Variants in SUZ12 observed in about 807,000 individuals in gnomAD.
SUZ12 encodes SUZ12 polycomb repressive complex 2 subunit, also known as polycomb protein SUZ12.
SUZ12 carries 17 observed loss-of-function variants against 87.3 expected under a neutral mutation model. The ratio of observed to expected loss-of-function variants is 0.19; its 90% CI spans 0.13 to 0.29. The LOEUF is 0.29. SUZ12 is among the 10% of genes least tolerant of loss of function. The pLI is 1.00. For synonymous variants in SUZ12, 253 were observed against 312.4 expected (o/e 0.81, Z 2.01); for missense variants, 526 against 912.2 (o/e 0.58, Z 5.45).
chr17:31,956,282 C>T (rs1305303583), intron 4 of SUZ12, among the ~76,000 whole-genome samples: 8 of 151,978 alleles, frequency 5.3e-5, no homozygotes, highest in Non-Finnish European at 1.0e-4. Context: ...CAACCTCCGC[C>T]TCCTGGGTTC....
chr17:31,979,455 A>G (rs1908968586), intron 8 of SUZ12, among the ~76,000 whole-genome samples: 1 of 152,148 alleles, frequency 6.6e-6, no homozygotes, highest in Admixed American at 6.5e-5. Flanking sequence ...TTCCATAGCT[A>G]GATGTCATAG....
intron 4 of SUZ12, among the ~76,000 whole-genome samples, chr17:31,963,301 C>T (rs1170196074): frequency 5.9e-5 from 9 of 152,026 alleles, no homozygotes; most frequent in Non-Finnish European, 8.8e-5. Context: ...CATGCCACAA[C>T]GCCTGGCTAA....
chr17:31,990,337 C>G (rs1050790828), intron 10 of SUZ12, among the ~76,000 whole-genome samples: 2 of 151,342 alleles, frequency 1.3e-5, no homozygotes, highest in East Asian at 3.9e-4. Flanking sequence ...GTCTGGACCT[C>G]CTGACGTCGT....
intron 4 of SUZ12, among the ~76,000 whole-genome samples, chr17:31,955,696 A>C (rs1345736552): frequency 6.6e-6 from 1 of 151,682 alleles, no homozygotes. Context: ...TGCAGGGAGG[A>C]GAGATCGCGC....
chr17:31,947,575 C>T (rs562409300), intron 3 of SUZ12, 42 bp from the exon 4 acceptor site: 9 of 1,582,726 alleles, frequency 5.7e-6, no homozygotes, highest in African/African-American at 5.4e-5. Context: ...GTTTCTTTTT[C>T]CCAGTTGAGA....
In SUZ12 at chr17:31,937,038, C is replaced by G. The variant is rs1598140549; in HGVS notation, c.-209C>G. The G allele has an allele frequency of 2.3e-6, 1 of 436,028 alleles. No individual in the cohort carries two copies. The highest frequency in any genetic ancestry group is 7.2e-5 in the South Asian group (1 of 13,858). The allele number at this position is 436,028 out of a possible 1,614,324, so 27.0% of individuals were successfully genotyped here. A position where few individuals can be genotyped will look rare whatever the true frequency, so the allele number is the denominator to read the frequency against. On this transcript the variant is annotated 5_prime_UTR_variant, in exon 1 of 16. Transcript: ENST00000322652. ...AGGCCAGGGTAGGGTGAGCGGCCTC[C>G]GAAGCGGAGCGGGGCTCTGAGGAGA...
chr17:31,976,631 A>G lies in SUZ12; in HGVS notation c.917+17A>G, dbSNP rs1284622649. 4 of 1,555,642 alleles carry G rather than the reference A, an allele frequency of 2.6e-6. No individual in the cohort carries two copies. The African/African-American group carries it at 4.1e-5, about 16-fold the overall frequency. On this transcript the variant is annotated intron_variant, in intron 8 of 15. Transcript: ENST00000322652. Reference sequence around the variant, plus strand: ...TAAAAACAGGTAATGTTGATGAACAAGTGAGGCTCCCACAATGTTCTGGAA... The same window carrying G: ...TAAAAACAGGTAATGTTGATGAACAGGTGAGGCTCCCACAATGTTCTGGAA...
In SUZ12 at chr17:31,937,406, G is replaced by A; in HGVS notation, c.160G>A (p.Ala54Thr). The A allele has an allele frequency of 1.3e-6, 2 of 1,539,788 alleles. No homozygotes were observed. Among genetic ancestry groups the A allele is most frequent in the Non-Finnish European group, 8.7e-7 (1 of 1,143,598 alleles). Residue 54 changes from alanine (A) to threonine (T), a missense_variant, in exon 1 of 16, where the codon GCC becomes ACC. By Grantham distance (58) the Ala-to-Thr change is moderately conservative. Transcript: ENST00000322652. ...GSCGGGGSYSASSSSSAAAAA... is the reference protein window; with the variant it reads ...GSCGGGGSYSTSSSSSAAAAA... ...CTGTGGAGGGGGTGGCAGTTACTCG[G>A]CCTCCTCCTCCTCCTCCGCGGCGGC...
chr17:31,993,133 C>T, intron 10 of SUZ12, 109 bp from the exon 11 acceptor site: 1 of 658,348 alleles, frequency 1.5e-6, no homozygotes, highest in Non-Finnish European at 2.5e-6. Flanking sequence ...ATTTAAATAC[C>T]ACAAGTAGAA....
At chr17:31,997,401 G>A (rs907856016) in intron 15 of SUZ12, among the ~76,000 whole-genome samples, 12 of 152,122 alleles carry the variant, frequency 7.9e-5, no homozygotes, top group African/African-American at 2.9e-4. Context: ...AGTGGCTCAT[G>A]CCTGTAATCC....
At chr17:31,964,457 A>C (rs1907965453) in intron 4 of SUZ12, among the ~76,000 whole-genome samples, 1 of 150,830 alleles carries the variant, frequency 6.6e-6, no homozygotes, top group African/African-American at 2.4e-5. Context: ...CCCAGGCTGG[A>C]GTGCAATGGC....
chr17:31,972,324 T>C (rs1341225827), intron 5 of SUZ12, among the ~76,000 whole-genome samples: 1 of 150,592 alleles, frequency 6.6e-6, no homozygotes, highest in African/African-American at 2.4e-5. Context: ...TATATATATG[T>C]ATGTATGTGT....
At chr17:31,988,596 T>C in intron 10 of SUZ12, 99 bp downstream of exon 10, 1 of 1,226,092 alleles carries the variant, frequency 8.2e-7, no homozygotes, top group Non-Finnish European at 1.1e-6. Context: ...ATGTGATTCT[T>C]CTTTTTTTTT....
At chr17:31,981,997 A>G (rs560718246) in intron 8 of SUZ12, among the ~76,000 whole-genome samples, 3 of 152,332 alleles carry the variant, frequency 2.0e-5, no homozygotes, top group Non-Finnish European at 4.4e-5. Flanking sequence ...TTCTTGATAT[A>G]TACAGTTAAT....
intron 10 of SUZ12, among the ~76,000 whole-genome samples, chr17:31,989,062 C>T (rs1909563378): frequency 6.6e-6 from 1 of 151,216 alleles, no homozygotes; most frequent in Admixed American, 6.6e-5. Flanking sequence ...AGCAATACTC[C>T]ATCTCAAAAA....
intron 4 of SUZ12, among the ~76,000 whole-genome samples, chr17:31,964,404 A>G (rs185079483): frequency 7.0e-6 from 1 of 142,388 alleles, no homozygotes; most frequent in Non-Finnish European, 1.5e-5. Flanking sequence ...CAAAATCCCA[A>G]CTCTGTAGGT....
At chr17:31,976,111 G>C (rs1258330150) in intron 7 of SUZ12, among the ~76,000 whole-genome samples, 3 of 152,172 alleles carry the variant, frequency 2.0e-5, no homozygotes, top group African/African-American at 7.2e-5. Flanking sequence ...TCACAACCTA[G>C]TGTAGGGAAA....
Position 32,000,814 on chromosome 17 carries a change from C to G in SUZ12, c.*1811C>G, listed in dbSNP as rs1368140716. 1 of 228,054 alleles carries G rather than the reference C, an allele frequency of 4.4e-6. No homozygotes were observed. Among genetic ancestry groups the G allele is most frequent in the Non-Finnish European group, 8.7e-6 (1 of 114,690 alleles). 14.1% of individuals were successfully genotyped at this position (228,054 alleles called of 1,614,324 possible). A position where few individuals can be genotyped will look rare whatever the true frequency, so the allele number is the denominator to read the frequency against. ...CTTCTGTTGAGTAAACTTTTTATGTCATCGTAAAAGCTGAAAAAATCCCTT... is the reference window on the plus strand; with the variant it reads ...CTTCTGTTGAGTAAACTTTTTATGTGATCGTAAAAGCTGAAAAAATCCCTT... On this transcript the variant is annotated 3_prime_UTR_variant, in exon 16 of 16. Transcript: ENST00000322652.
chr17:31,998,078 ATTTTTTT>A (rs532761317), intron 15 of SUZ12, among the ~76,000 whole-genome samples: 1 of 136,556 alleles, frequency 7.3e-6, no homozygotes, highest in Non-Finnish European at 1.6e-5. Context: ...TCTCTACTAA[ATTTTTTT>A]TTTTTTTTTT....
Sources: allele counts gnomAD v4.1 joint callset (sites outside exome capture counted in the v4.1 genomes callset), GRCh38; gene constraint gnomAD v4.1.1; transcripts MANE v1.5; gene names NCBI Gene and HGNC (gene_info 2026-07-23, HGNC 2026-07-21).